CDK17: variants seen among roughly 807,000 people sequenced by gnomAD.
The protein encoded by CDK17 is cyclin dependent kinase 17.
Under a neutral mutation model 77.6 loss-of-function variants are expected in CDK17, and 24 were observed. That is an observed-to-expected ratio of 0.31 (90% CI 0.22 to 0.44). CDK17 has a LOEUF of 0.44. Among genes scored for constraint, CDK17 ranks in the 20% least tolerant of loss-of-function variants. The pLI is 1.00. For missense variants in CDK17, 429 were observed against 622.5 expected, an observed-to-expected ratio of 0.69 and a Z score of 3.31; for synonymous variants, 203 against 210.4, an observed-to-expected ratio of 0.96 and a Z score of 0.30.
intron 5 of CDK17, among the ~76,000 whole-genome samples, chr12:96,300,710 T>C (rs1952488019): frequency 1.3e-5 from 2 of 152,364 alleles, no homozygotes; most frequent in African/African-American, 4.8e-5. Flanking sequence ...TATATATTCT[T>C]AAAGTTTCAA....
chr12:96,333,942 A>G (rs907269307), intron 2 of CDK17, among the ~76,000 whole-genome samples: 4 of 152,180 alleles, frequency 2.6e-5, no homozygotes, highest in Admixed American at 1.3e-4. Flanking sequence ...ATGACTTTAA[A>G]AAGTCCAGAG....
intron 1 of CDK17, among the ~76,000 whole-genome samples, chr12:96,356,937 TG>T (rs1315205209): frequency 6.6e-6 from 1 of 152,242 alleles, no homozygotes; most frequent in Non-Finnish European, 1.5e-5. Context: ...ACTTCCATCA[TG>T]AATAATAAAT....
chr12:96,397,160 C>T (rs1954184717), intron 1 of CDK17, among the ~76,000 whole-genome samples: 1 of 152,256 alleles, frequency 6.6e-6, no homozygotes, highest in South Asian at 2.1e-4. Context: ...TATATGCCAT[C>T]TAGTTTCGCC....
chr12:96,322,595 G>C (rs1191815748), intron 3 of CDK17, among the ~76,000 whole-genome samples: 1 of 151,884 alleles, frequency 6.6e-6, no homozygotes, highest in Non-Finnish European at 1.5e-5. Flanking sequence ...GACAACTTCA[G>C]GCTACCAACA....
intron 14 of CDK17, among the ~76,000 whole-genome samples, chr12:96,283,111 A>G (rs1952197830): frequency 6.6e-6 from 1 of 152,120 alleles, no homozygotes; most frequent in Non-Finnish European, 1.5e-5. Context: ...CCCAATTCCC[A>G]GTCTTTCCTA....
chr12:96,297,568 C>A, intron 8 of CDK17, 59 bp downstream of exon 8: 1 of 1,120,846 alleles, frequency 8.9e-7, no homozygotes, highest in South Asian at 1.3e-5. Flanking sequence ...AACTAAAAGT[C>A]CAATTTACTA....
intron 1 of CDK17, among the ~76,000 whole-genome samples, chr12:96,336,700 C>A (rs1953045226): frequency 6.6e-6 from 1 of 152,196 alleles, no homozygotes; most frequent in East Asian, 1.9e-4. Flanking sequence ...CTCCAGTTCA[C>A]AAATCCTCTT....
intron 5 of CDK17, among the ~76,000 whole-genome samples, chr12:96,304,520 A>T (rs1952551991): frequency 6.8e-6 from 1 of 146,768 alleles, no homozygotes; most frequent in South Asian, 2.2e-4. Context: ...CTGGCGACAG[A>T]GCAAGACTCT....
chr12:96,344,983 C>A lies in CDK17; in HGVS notation c.-29-10118G>T, dbSNP rs532749227. On this transcript the variant is annotated intron_variant, in intron 1 of 16. Coordinates refer to ENST00000261211, the MANE Select transcript of CDK17 (RefSeq NM_002595.5). Reference sequence around the variant, plus strand: ...TTCCCTAATGCTCTCCCTACCCCTGCCCTCCTCCGACAGGCCTCAGTTAAG... The same window carrying A: ...TTCCCTAATGCTCTCCCTACCCCTGACCTCCTCCGACAGGCCTCAGTTAAG... 1.7e-4 allele frequency among the ~76,000 whole-genome samples: 26 copies of A among 152,240 alleles called. No homozygotes were observed. The South Asian group carries it at 5.0e-3, about 29-fold the overall frequency.
chr12:96,289,569 G>A (rs977141259), intron 10 of CDK17, among the ~76,000 whole-genome samples: 10 of 152,180 alleles, frequency 6.6e-5, no homozygotes, highest in African/African-American at 2.4e-4. Context: ...CTAAACTTAA[G>A]ATGTTTTCCT....
At chr12:96,343,963 T>C (rs1482736874) in intron 1 of CDK17, among the ~76,000 whole-genome samples, 2 of 152,178 alleles carry the variant, frequency 1.3e-5, no homozygotes, top group East Asian at 3.8e-4. Context: ...AGGAAAACAA[T>C]GTATGAGCAA....
chr12:96,384,470 G>A (rs2368050), intron 1 of CDK17, among the ~76,000 whole-genome samples: 46,612 of 151,978 alleles, frequency 0.31, 7,477 homozygotes, highest in East Asian at 0.57. Context: ...GGTTTATGGC[G>A]GCACTATTCA....
chr12:96,342,700 C>G (rs957572737), intron 1 of CDK17, among the ~76,000 whole-genome samples: 1 of 152,088 alleles, frequency 6.6e-6, no homozygotes, highest in Non-Finnish European at 1.5e-5. Context: ...TGTGGTGGCT[C>G]ACGACTGTAA....
intron 1 of CDK17, among the ~76,000 whole-genome samples, chr12:96,376,836 G>GA (rs1953788609): frequency 6.6e-6 from 1 of 151,992 alleles, no homozygotes; most frequent in Non-Finnish European, 1.5e-5. Context: ...ATCTAAAAAG[G>GA]AATCCTATAA....
chr12:96,351,054 T>A (rs1042226137), intron 1 of CDK17, among the ~76,000 whole-genome samples: 1 of 152,150 alleles, frequency 6.6e-6, no homozygotes, highest in South Asian at 2.1e-4. Flanking sequence ...ACCAAAGATA[T>A]ACCAATGGCC....
intron 1 of CDK17, among the ~76,000 whole-genome samples, chr12:96,371,594 G>T (rs1953693968): frequency 1.3e-5 from 2 of 152,028 alleles, no homozygotes; most frequent in Admixed American, 1.3e-4. Context: ...GGAGTTGGAG[G>T]CCAGCCTGAC....
intron 4 of CDK17, among the ~76,000 whole-genome samples, chr12:96,312,627 C>T (rs1383555549): frequency 6.6e-6 from 1 of 151,804 alleles, no homozygotes; most frequent in South Asian, 2.1e-4. Flanking sequence ...TCAACAGCAC[C>T]AAAAAAGCAA....
At chr12:96,309,772 A>G (rs1298869300) in intron 5 of CDK17, among the ~76,000 whole-genome samples, 1 of 152,220 alleles carries the variant, frequency 6.6e-6, no homozygotes, top group African/African-American at 2.4e-5. Context: ...CATCAGAGAA[A>G]TGCAAAATAA....
intron 2 of CDK17, among the ~76,000 whole-genome samples, chr12:96,333,006 A>G (rs907164384): frequency 1.3e-5 from 2 of 152,124 alleles, no homozygotes; most frequent in Non-Finnish European, 2.9e-5. Flanking sequence ...CTTGTAGTCA[A>G]ATACTAAAAA....
Sources: allele counts gnomAD v4.1 joint callset (sites outside exome capture counted in the v4.1 genomes callset), GRCh38; gene constraint gnomAD v4.1.1; transcripts MANE v1.5; gene names NCBI Gene and HGNC (gene_info 2026-07-23, HGNC 2026-07-21).